GNAZ: variants seen among roughly 807,000 people sequenced by gnomAD.
GNAZ encodes guanine nucleotide-binding protein G(z) subunit alpha.
A neutral mutation model predicts 25.4 loss-of-function variants in GNAZ; 3 were observed. That is an observed-to-expected ratio of 0.12 (90% confidence interval 0.05 to 0.30). The LOEUF (loss-of-function observed/expected upper bound fraction) is 0.30. Among genes scored for constraint, GNAZ ranks in the 10% least tolerant of loss-of-function variants. The pLI, the probability that GNAZ is intolerant of heterozygous loss-of-function variation, is 1.00. For missense variants in GNAZ, 241 were observed against 501.8 expected (o/e 0.48, Z 4.97); for synonymous variants, 211 against 205.7 (o/e 1.03, Z -0.22).
At position 23,106,103 on chromosome 22, in the gene GNAZ, G is replaced by A. The variant is rs181340835; in HGVS notation, c.723+9685G>A. Among the ~76,000 whole-genome samples the A allele has an allele frequency of 3.9e-5, 6 of 152,332 alleles. No individual in the cohort carries two copies. In the East Asian group the frequency reaches 9.6e-4, roughly 24 times the overall value. ...TTGTTAAGGCACCACCTCCAGTCAC[G>A]TGACTCCCGCCACATATCACACTTA... On this transcript the variant is annotated intron_variant, in intron 2 of 2. Transcript: ENST00000615612.
At position 23,123,342 on chromosome 22, in the gene GNAZ, G is replaced by A. The variant is rs1287229592; in HGVS notation, c.979G>A (p.Ala327Thr). The A allele has an allele frequency of 1.9e-6, 3 of 1,613,862 alleles. No individual in the cohort carries two copies. The highest frequency in any genetic ancestry group is 2.5e-6 in the Non-Finnish European group (3 of 1,179,928). ...GGAGATCTACTCCCACTTCACCTGC[G>A]CCACCGACACCAGTAACATCCAGTT... is the stretch of plus-strand genomic sequence containing the variant. ...TKEIYSHFTC[A>T]TDTSNIQFVF... The change falls in exon 3 of 3, where the codon GCC becomes ACC. Residue 327 changes from alanine (A) to threonine (T), a missense_variant. By Grantham distance (58) the Ala-to-Thr change is moderately conservative (BLOSUM62 0). Transcript: ENST00000615612.
At chr22:23,070,668 C>T (rs1207074001) in intron 1 of GNAZ, 98 bp downstream of exon 1, 1 of 152,088 alleles carries the variant, frequency 6.6e-6, no homozygotes, top group Non-Finnish European at 1.5e-5. Context: ...GGACTCTTCC[C>T]AGGCCTTTGT....
At chr22:23,117,452 C>T (rs565930875) in intron 2 of GNAZ, among the ~76,000 whole-genome samples, 21 of 152,322 alleles carry the variant, frequency 1.4e-4, no homozygotes, top group Admixed American at 3.9e-4. Flanking sequence ...TCTGCAGCAT[C>T]GAGACCTCTC....
At chr22:23,113,559 C>T (rs2069720594) in intron 2 of GNAZ, among the ~76,000 whole-genome samples, 1 of 152,248 alleles carries the variant, frequency 6.6e-6, no homozygotes, top group Admixed American at 6.5e-5. Flanking sequence ...AGCGAATAAG[C>T]TATTTCCTTT....
rs980361488 is a variant in GNAZ at position 23,124,814 on chromosome 22, G to A, written c.*1383G>A. 1 of 155,954 alleles carries A rather than the reference G, an allele frequency of 6.4e-6. No homozygotes were observed. The highest frequency in any genetic ancestry group is 2.4e-5 in the African/African-American group (1 of 41,522). The allele number at this position is 155,954 out of a possible 1,614,324, so 9.7% of individuals were successfully genotyped here. A position where few individuals can be genotyped will look rare whatever the true frequency, so the allele number is the denominator to read the frequency against. ...ACTGCGTTGAAAGGACGTTCGCCAAGGGCCGTGTGTAAATACGAACTGCGC... is the reference window on the plus strand; with the variant it reads ...ACTGCGTTGAAAGGACGTTCGCCAAAGGCCGTGTGTAAATACGAACTGCGC... On this transcript the variant is annotated 3_prime_UTR_variant, in exon 3 of 3. Transcript: ENST00000615612.
At chr22:23,105,897 G>A (rs1028768565) in intron 2 of GNAZ, among the ~76,000 whole-genome samples, 1 of 152,236 alleles carries the variant, frequency 6.6e-6, no homozygotes, top group Non-Finnish European at 1.5e-5. Context: ...CAGTTGGGCA[G>A]GAGAGCTTAT....
chr22:23,110,739 G>A (rs974473252), intron 2 of GNAZ, among the ~76,000 whole-genome samples: 19 of 152,240 alleles, frequency 1.2e-4, no homozygotes, highest in South Asian at 2.1e-4. Context: ...ACAGCAGTGC[G>A]TCTGCAGAGA....
At chr22:23,111,555 G>A (rs1433350866) in intron 2 of GNAZ, among the ~76,000 whole-genome samples, 2 of 152,230 alleles carry the variant, frequency 1.3e-5, no homozygotes, top group East Asian at 1.9e-4. Flanking sequence ...AGACACCAAA[G>A]CACTCCAGGG....
intron 1 of GNAZ, among the ~76,000 whole-genome samples, chr22:23,079,852 G>A (rs1321140241): frequency 7.2e-5 from 11 of 152,170 alleles, no homozygotes; most frequent in South Asian, 2.1e-4. Context: ...CAGGGAAGGC[G>A]TGCTGGGCAT....
chr22:23,123,031 G>C (rs1430222669), intron 2 of GNAZ, 56 bp from the exon 3 acceptor site: 1 of 1,185,938 alleles, frequency 8.4e-7, no homozygotes, highest in Non-Finnish European at 1.2e-6. Context: ...TGCAGGTCTA[G>C]GGTCTGTCTC....
At chr22:23,104,150 G>A (rs1203681929) in intron 2 of GNAZ, among the ~76,000 whole-genome samples, 1 of 152,018 alleles carries the variant, frequency 6.6e-6, no homozygotes, top group Non-Finnish European at 1.5e-5. Flanking sequence ...GACTGAGGGG[G>A]CTGTCGGGGG....
chr22:23,115,472 G>A (rs1417998871), intron 2 of GNAZ, among the ~76,000 whole-genome samples: 2 of 152,158 alleles, frequency 1.3e-5, no homozygotes, highest in Non-Finnish European at 2.9e-5. Flanking sequence ...CCTACCTGCT[G>A]GGAGCTGACA....
At chr22:23,106,433 C>T (rs756477060) in intron 2 of GNAZ, among the ~76,000 whole-genome samples, 6 of 152,208 alleles carry the variant, frequency 3.9e-5, no homozygotes, top group Non-Finnish European at 8.8e-5. Flanking sequence ...TGTACAGCAC[C>T]GTCTCCATCT....
chr22:23,090,649 C>G (rs1191424644), intron 1 of GNAZ, among the ~76,000 whole-genome samples: 1 of 152,156 alleles, frequency 6.6e-6, no homozygotes. Flanking sequence ...TCCCTCATCC[C>G]TGATGCCTGC....
chr22:23,072,875 T>C (rs2068414342), intron 1 of GNAZ, among the ~76,000 whole-genome samples: 1 of 152,132 alleles, frequency 6.6e-6, no homozygotes, highest in Non-Finnish European at 1.5e-5. Context: ...TGCAGGAGTA[T>C]GGGTGGGGTC....
At chr22:23,112,625 A>G (rs950246765) in intron 2 of GNAZ, among the ~76,000 whole-genome samples, 1 of 152,166 alleles carries the variant, frequency 6.6e-6, no homozygotes, top group South Asian at 2.1e-4. Flanking sequence ...CAGCAAGGAC[A>G]GGGCCACTTC....
chr22:23,119,806 A>T (rs1030580751), intron 2 of GNAZ, among the ~76,000 whole-genome samples: 2 of 152,236 alleles, frequency 1.3e-5, no homozygotes, highest in East Asian at 1.9e-4. Flanking sequence ...CTCCTGCCAG[A>T]CAGGGCCCAG....
chr22:23,087,983 G>A (rs1217929943), intron 1 of GNAZ, among the ~76,000 whole-genome samples: 1 of 152,234 alleles, frequency 6.6e-6, no homozygotes, highest in Non-Finnish European at 1.5e-5. Context: ...AGGCAAGAAG[G>A]AGGTCTGCTT....
chr22:23,113,231 G>C (rs959307228), intron 2 of GNAZ, among the ~76,000 whole-genome samples: 1 of 152,226 alleles, frequency 6.6e-6, no homozygotes, highest in Admixed American at 6.5e-5. Context: ...TGGGGCCCCA[G>C]CGCCACCTGG....
Sources: gnomAD v4.1 joint callset for allele counts (sites outside exome capture counted in the v4.1 genomes callset) on GRCh38, gnomAD v4.1.1 for gene constraint, MANE v1.5 for transcripts, NCBI Gene and HGNC (gene_info 2026-07-23, HGNC 2026-07-21) for gene names.